The following ADCY2 variants were observed in gnomAD, a reference collection of about 807,000 sequenced individuals.
ADCY2 encodes the protein adenylate cyclase 2, also known as adenylate cyclase type 2.
In ADCY2, 31 loss-of-function variants were observed where a neutral mutation model predicts 125.2. That is an observed-to-expected ratio of 0.25 (90% CI 0.19 to 0.33). The LOEUF is 0.33. Ranked by LOEUF, ADCY2 falls within the 10% of genes least tolerant of loss-of-function variation. The pLI is 1.00. For missense variants in ADCY2, 904 were observed against 1,418.2 expected (o/e 0.64, Z 5.82); for synonymous variants, 512 against 548.4 (o/e 0.93, Z 0.93).
intron 4 of ADCY2, among the ~76,000 whole-genome samples, chr5:7,679,959 C>T (rs1740274692): frequency 6.6e-6 from 1 of 152,068 alleles, no homozygotes; most frequent in Admixed American, 6.6e-5. Flanking sequence ...TGGTGTACAT[C>T]CTAGTGATGT....
chr5:7,418,844 C>T (rs778010895), intron 2 of ADCY2, among the ~76,000 whole-genome samples: 21 of 151,824 alleles, frequency 1.4e-4, no homozygotes, highest in Admixed American at 2.6e-4. Flanking sequence ...TTAATAGAGA[C>T]GGGTTTCACC....
chr5:7,664,114 G>T (rs1460268291), intron 4 of ADCY2, among the ~76,000 whole-genome samples: 1 of 152,128 alleles, frequency 6.6e-6, no homozygotes, highest in East Asian at 1.9e-4. Flanking sequence ...AGCAGTTTCT[G>T]TTTATAGAAA....
intron 19 of ADCY2, among the ~76,000 whole-genome samples, chr5:7,788,333 C>A (rs1397195109): frequency 6.6e-6 from 1 of 152,090 alleles, no homozygotes; most frequent in African/African-American, 2.4e-5. Context: ...GCGCGCACAA[C>A]CAGGCCCGGC....
At chr5:7,624,333 G>A (rs1259390774) in intron 3 of ADCY2, among the ~76,000 whole-genome samples, 2 of 152,150 alleles carry the variant, frequency 1.3e-5, no homozygotes, top group Non-Finnish European at 2.9e-5. Context: ...CACCTATTTG[G>A]AGAGTACAGT....
Position 7,447,641 on chromosome 5 carries a change from G to C in ADCY2, c.408+32871G>C, listed in dbSNP as rs553701603. Among the ~76,000 whole-genome samples the C allele has an allele frequency of 3.3e-5, 5 of 152,314 alleles. No individual in the cohort carries two copies. The East Asian group carries it at 7.7e-4, about 24-fold the overall frequency. On this transcript the variant is annotated intron_variant, in intron 2 of 24. Coordinates refer to ENST00000338316, the MANE Select transcript of ADCY2 (RefSeq NM_020546.3). Reference sequence around the variant, plus strand: ...GCTGGGCAGTGAGTGGGAAGCCAGGGGGTCCTGCACAGTGAAGAGGTCGAG... The same window carrying C: ...GCTGGGCAGTGAGTGGGAAGCCAGGCGGTCCTGCACAGTGAAGAGGTCGAG...
At chr5:7,526,002 C>T (rs1302022058) in intron 3 of ADCY2, among the ~76,000 whole-genome samples, 1 of 152,114 alleles carries the variant, frequency 6.6e-6, no homozygotes, top group Non-Finnish European at 1.5e-5. Flanking sequence ...TGTGGATCCC[C>T]TCCCCTGTCC....
intron 20 of ADCY2, among the ~76,000 whole-genome samples, chr5:7,792,217 CAAAAAAAAAA>C (rs57224712): frequency 1.0e-5 from 1 of 99,446 alleles, no homozygotes; most frequent in Non-Finnish European, 2.0e-5. Flanking sequence ...ACTAAAAATA[CAAAAAAAAAA>C]AAAAAAAAAA....
intron 18 of ADCY2, among the ~76,000 whole-genome samples, chr5:7,774,772 G>T (rs906201053): frequency 6.6e-6 from 1 of 152,158 alleles, no homozygotes; most frequent in African/African-American, 2.4e-5. Context: ...AAGCCTCGGC[G>T]ACTTGCCTTC....
intron 3 of ADCY2, among the ~76,000 whole-genome samples, chr5:7,566,374 C>T (rs1735893521): frequency 6.6e-6 from 1 of 152,070 alleles, no homozygotes; most frequent in Non-Finnish European, 1.5e-5. Context: ...TGCACATCTG[C>T]AGTCCCAGCT....
intron 2 of ADCY2, among the ~76,000 whole-genome samples, chr5:7,507,387 G>C: frequency 8.1e-6 from 1 of 123,668 alleles, no homozygotes; most frequent in Admixed American, 8.2e-5. Context: ...CTTGCAGTGA[G>C]CCGAGATCAT....
intron 4 of ADCY2, among the ~76,000 whole-genome samples, chr5:7,641,591 T>C (rs1738714922): frequency 6.6e-6 from 1 of 152,090 alleles, no homozygotes; most frequent in South Asian, 2.1e-4. Flanking sequence ...CAGAGAGTGA[T>C]AGGTTTGGGG....
At chr5:7,432,740 A>C (rs1421568654) in intron 2 of ADCY2, among the ~76,000 whole-genome samples, 1 of 152,268 alleles carries the variant, frequency 6.6e-6, no homozygotes, top group East Asian at 1.9e-4. Context: ...GCTAAAAGTC[A>C]AAAGCTGATT....
chr5:7,826,903 A>G lies in ADCY2; in HGVS notation c.*32A>G. 6.4e-7 allele frequency: 1 copy of G among 1,573,400 alleles called. No homozygotes were observed. The highest frequency in any genetic ancestry group is 8.6e-7 in the Non-Finnish European group (1 of 1,163,338). ...ACCTTCATTTTGGCAAGAAGACTGTATTTTCAGGAAGGTATCACACACTTT... is the reference window on the plus strand; with the variant it reads ...ACCTTCATTTTGGCAAGAAGACTGTGTTTTCAGGAAGGTATCACACACTTT... On this transcript the variant is annotated 3_prime_UTR_variant, in exon 25 of 25. Coordinates refer to ENST00000338316, the MANE Select transcript of ADCY2 (RefSeq NM_020546.3).
At chr5:7,645,498 A>C (rs1738863512) in intron 4 of ADCY2, among the ~76,000 whole-genome samples, 1 of 152,196 alleles carries the variant, frequency 6.6e-6, no homozygotes, top group Admixed American at 6.5e-5. Flanking sequence ...TTCAACCTTC[A>C]TTACCAATGA....
intron 2 of ADCY2, among the ~76,000 whole-genome samples, chr5:7,470,058 A>C (rs1742280257): frequency 6.6e-6 from 1 of 151,838 alleles, no homozygotes; most frequent in East Asian, 1.9e-4. Flanking sequence ...AGTTAACTTT[A>C]TTTATTTGAA....
intron 22 of ADCY2, among the ~76,000 whole-genome samples, chr5:7,815,709 GA>G (rs1003741362): frequency 6.6e-6 from 1 of 152,156 alleles, no homozygotes; most frequent in African/African-American, 2.4e-5. Flanking sequence ...TTCCCACTGG[GA>G]AATCTTCAGG....
intron 3 of ADCY2, among the ~76,000 whole-genome samples, chr5:7,597,136 A>G (rs1477874215): frequency 6.6e-6 from 1 of 152,220 alleles, no homozygotes; most frequent in Non-Finnish European, 1.5e-5. Context: ...GGGCAAGGAA[A>G]CAATATTAGG....
intron 1 of ADCY2, among the ~76,000 whole-genome samples, chr5:7,411,155 C>T (rs1184257052): frequency 1.3e-5 from 2 of 152,224 alleles, no homozygotes; most frequent in Admixed American, 6.5e-5. Flanking sequence ...AAGGCAGATA[C>T]AGAACAAATT....
At chr5:7,792,370 A>T (rs1744277195) in intron 20 of ADCY2, among the ~76,000 whole-genome samples, 1 of 152,096 alleles carries the variant, frequency 6.6e-6, no homozygotes, top group Non-Finnish European at 1.5e-5. Flanking sequence ...CTCCAGCCTC[A>T]GCAACAAGAG....
Sources: allele counts gnomAD v4.1 joint callset (sites outside exome capture counted in the v4.1 genomes callset), GRCh38; gene constraint gnomAD v4.1.1; transcripts MANE v1.5; gene names NCBI Gene and HGNC (gene_info 2026-07-23, HGNC 2026-07-21).